Variants in MED1 observed in about 807,000 individuals in gnomAD.
MED1 encodes the protein mediator of RNA polymerase II transcription subunit 1.
MED1 carries 17 observed loss-of-function variants against 121.3 expected under a neutral mutation model. The observed-to-expected ratio is 0.14, with a 90% CI of 0.10 to 0.21. The LOEUF (loss-of-function observed/expected upper bound fraction) is 0.21, where lower values mean the gene tolerates loss of function less well. Among genes scored for constraint, MED1 ranks in the 10% least tolerant of loss-of-function variants. The pLI is 1.00. For missense variants in MED1, 1,558 were observed against 1,919.4 expected, an observed-to-expected ratio of 0.81 and a Z score of 3.52; for synonymous variants, 661 against 694.4, an observed-to-expected ratio of 0.95 and a Z score of 0.76.
Position 39,423,730 on chromosome 17 carries a change from T to C in MED1, c.943A>G (p.Arg315Gly), listed in dbSNP as rs754877539. ...LKFPQPIPVS[R>G]AFVQKLQNCT... ...TTCTGCAGTTTCTGAACAAATGCTCTAGATACTGGGATTGGCTGGGGAAAT... is the reference window on the plus strand; with the variant it reads ...TTCTGCAGTTTCTGAACAAATGCTCCAGATACTGGGATTGGCTGGGGAAAT... The change falls in exon 12 of 17, where the codon AGA (arginine) becomes GGA (glycine). Residue 315 changes from arginine (R) to glycine (G), a missense_variant. By Grantham distance (125) the Arg-to-Gly change is moderately radical. Around this residue, in one of 5 missense-constraint regions of MED1, gnomAD observed 443 missense variants for 532.4 expected, o/e 0.83. Transcript: ENST00000300651. 2 of 1,614,004 alleles carry C rather than the reference T, an allele frequency of 1.2e-6. No individual in the cohort carries two copies. Among genetic ancestry groups the C allele is most frequent in the South Asian group, 1.1e-5 (1 of 91,078 alleles).
At chr17:39,413,829 T>C (rs1480596253) in intron 16 of MED1, among the ~76,000 whole-genome samples, 4 of 151,200 alleles carry the variant, frequency 2.6e-5, no homozygotes, top group Non-Finnish European at 5.9e-5. Context: ...TATTTTATTA[T>C]GGCTTTCTCC....
rs117134607 is a variant in MED1, at chr17:39,406,174, A to G, written c.*1301T>C. 2.8e-4 allele frequency: 276 copies of G among 985,546 alleles called. 1 individual carries two copies. In the East Asian group the frequency reaches 0.021, roughly 73 times the overall value. The allele number at this position is 985,546 out of a possible 1,614,324, so 61.1% of individuals were successfully genotyped here. On this transcript the variant is annotated 3_prime_UTR_variant, in exon 17 of 17. Coordinates refer to ENST00000300651, the MANE Select transcript of MED1 (RefSeq NM_004774.4). ...AGACCTATTTCTCCAAAAAGGTCCA[A>G]TTGGGTTGCTACATAGTAGCAAGGG...
Position 39,419,867 on chromosome 17 carries a change from G to C in MED1, c.1147C>G (p.Pro383Ala). The change falls in exon 14 of 17, where the codon CCA (proline) becomes GCA (alanine). Residue 383 changes from proline to alanine, a missense_variant. Around this residue, in one of 5 missense-constraint regions of MED1, gnomAD observed 443 missense variants for 532.4 expected, o/e 0.83. Coordinates refer to ENST00000300651, the MANE Select transcript of MED1 (RefSeq NM_004774.4). The part of the protein sequence containing the change: ...CYFLNKDAPL[P>A]DGRSLQGTLV... ...GTTCCCTGTAGACTTCGGCCATCTG[G>C]AAGAGGAGCATCCTTGTTGAGGAAA... 6.2e-7 allele frequency: 1 copy of C among 1,614,126 alleles called. No individual in the cohort carries two copies. Among genetic ancestry groups the C allele is most frequent in the South Asian group, 1.1e-5 (1 of 91,084 alleles).
rs1246306820 is a variant in MED1 at position 39,408,684 on chromosome 17, T to A, written c.3537A>T (p.Ser1179=). 5 of 1,614,218 alleles carry A rather than the reference T, an allele frequency of 3.1e-6. No homozygotes were observed. Among genetic ancestry groups the A allele is most frequent in the East Asian group, 2.2e-5 (1 of 44,882 alleles). ...STKMKPQGKP[S]SLMNPSLSKP... ...TACTTAAAGAAGGATTCATAAGTGA[T>A]GATGGCTTTCCTTGAGGTTTCATCT... The change falls in exon 17 of 17, where the codon TCA becomes TCT. Residue 1179 remains serine, a synonymous_variant. Coordinates refer to ENST00000300651, the MANE Select transcript of MED1 (RefSeq NM_004774.4). This position sits in a 1 kb window ranked among gnomAD's most constrained non-coding sequence, Gnocchi z 4.7.
At chr17:39,434,961 C>T (rs755205364) in intron 6 of MED1, among the ~76,000 whole-genome samples, 6 of 151,946 alleles carry the variant, frequency 3.9e-5, no homozygotes, top group Non-Finnish European at 7.4e-5. Context: ...GTTAGGAGAT[C>T]GAGACCATCC....
Position 39,423,707 on chromosome 17 carries a change from C to T in MED1, c.966G>A (p.Gln322=). The T allele has an allele frequency of 6.2e-7, 1 of 1,613,874 alleles. No individual in the cohort carries two copies. Among genetic ancestry groups the T allele is most frequent in the Non-Finnish European group, 8.5e-7 (1 of 1,179,982 alleles). ...ATGCTCAAAACTCACCTGTGCAGTT[C>T]TGCAGTTTCTGAACAAATGCTCTAG... ...PVSRAFVQKL[Q]NCTGIPLFET... The change falls in exon 12 of 17, where the codon CAG becomes CAA. Residue 322 remains glutamine (Q), a synonymous_variant. Transcript: ENST00000300651.
In MED1 at chr17:39,432,061, T is replaced by A. The variant is rs762520610; in HGVS notation, c.501-45A>T. ...AACATGAGTTAATAGTTGAAAAATA[T>A]GACCAAGCGGGGTGGCTCAGCCTGT... On this transcript the variant is annotated intron_variant, in intron 7 of 16. Coordinates refer to ENST00000300651, the MANE Select transcript of MED1 (RefSeq NM_004774.4). 1.6e-5 allele frequency: 23 copies of A among 1,447,718 alleles called. No individual in the cohort carries two copies. In the East Asian group the frequency reaches 5.3e-4, roughly 33 times the overall value. The allele number at this position is 1,447,718 out of a possible 1,614,324, so 89.7% of individuals were successfully genotyped here.
rs7226222 is a variant in MED1, at chr17:39,427,619, C to G, written c.739+82G>C. 12,403 of 992,128 alleles carry G rather than the reference C, an allele frequency of 0.013. 1,029 individuals are homozygous for G. In the African/African-American group the frequency reaches 0.18, roughly 14 times the overall value. 61.5% of individuals were successfully genotyped at this position (992,128 alleles called of 1,614,324 possible). ...GTGCAAATGGTAAGGTCAACAAACT[C>G]ATTAGAGAATAGCAAACCAGAAATT... On this transcript the variant is annotated intron_variant, in intron 10 of 16. Coordinates refer to ENST00000300651, the MANE Select transcript of MED1 (RefSeq NM_004774.4).
chr17:39,432,718 C>A (rs2048577241), intron 7 of MED1, among the ~76,000 whole-genome samples: 1 of 149,552 alleles, frequency 6.7e-6, no homozygotes, highest in Admixed American at 6.7e-5. Flanking sequence ...CATGCCATTG[C>A]ATTCCAGCCT....
rs902441457 is a variant in MED1, at chr17:39,440,799, T to A, written c.212-122A>T. On this transcript the variant is annotated intron_variant, in intron 3 of 16. Coordinates refer to ENST00000300651, the MANE Select transcript of MED1 (RefSeq NM_004774.4). This position sits in a 1 kb window ranked among gnomAD's most constrained non-coding sequence, Gnocchi z 4.1. ...ACATATTCAGTAGTTCAAATGCTTG[T>A]AATTTACATAAAGTTCACTGATTAG... is the stretch of plus-strand genomic sequence containing the variant. The A allele has an allele frequency of 1.3e-5, 12 of 929,848 alleles. No homozygotes were observed. The highest frequency in any genetic ancestry group is 2.0e-5 in the Non-Finnish European group (12 of 601,058). The allele number at this position is 929,848 out of a possible 1,614,324, so 57.6% of individuals were successfully genotyped here.
At position 39,424,902 on chromosome 17, in the gene MED1, CAG is replaced by C. The variant is rs373952552; in HGVS notation, c.740-166_740-165del. On this transcript the variant is annotated intron_variant, in intron 10 of 16. Coordinates refer to ENST00000300651, the MANE Select transcript of MED1 (RefSeq NM_004774.4). ...ATGTATTTATTTATTTATTTTGAGA[CAG>C]AGTCTTGCTCTGTCACCCAGGCTGG... Among the ~76,000 whole-genome samples the C allele has an allele frequency of 7.1e-3, 1,073 of 152,120 alleles. 14 individuals carry two copies. Among genetic ancestry groups the C allele is most frequent in the African/African-American group, 0.025 (1,032 of 41,512 alleles).
chr17:39,444,475 C>A (rs1422949549), intron 2 of MED1, among the ~76,000 whole-genome samples: 1 of 151,064 alleles, frequency 6.6e-6, no homozygotes, highest in Non-Finnish European at 1.5e-5. Context: ...CCACTGCACT[C>A]CAGCCTGGCG....
intron 2 of MED1, among the ~76,000 whole-genome samples, chr17:39,444,154 G>T (rs1237943453): frequency 1.3e-5 from 2 of 152,106 alleles, no homozygotes; most frequent in Non-Finnish European, 2.9e-5. Flanking sequence ...TTAACAAGGT[G>T]ATTTGCATGT....
rs750180751 is a variant in MED1 at position 39,407,936 on chromosome 17, TAGA to T, written c.4282_4284del (p.Ser1428del). On this transcript the variant is annotated inframe_deletion, in exon 17 of 17. Coordinates refer to ENST00000300651, the MANE Select transcript of MED1 (RefSeq NM_004774.4). ...CTGATGAGTGGAGAGCCATAGTTTT[TAGA>T]AGAAGCCATTTGAGGCCTAAGCCCT... 14 of 1,614,144 alleles carry T rather than the reference TAGA, an allele frequency of 8.7e-6. No homozygotes were observed. The East Asian group carries it at 2.9e-4, about 33-fold the overall frequency.
At chr17:39,448,660 A>T (rs1429669231) in intron 1 of MED1, among the ~76,000 whole-genome samples, 1 of 152,188 alleles carries the variant, frequency 6.6e-6, no homozygotes, top group African/African-American at 2.4e-5. Context: ...CTGTAATCCC[A>T]GCACTTTGGG....
chr17:39,409,965 G>A lies in MED1; in HGVS notation c.2256C>T (p.Tyr752=). The change falls in exon 17 of 17, where the codon TAC becomes TAT. Residue 752 remains tyrosine (Y), a synonymous_variant. Transcript: ENST00000300651. ...GTTGGGGGTGAGGTACTGGTTGTGGGTAAGTTGTTGGGGGAGTGCTACACT... is the reference window on the plus strand; with the variant it reads ...GTTGGGGGTGAGGTACTGGTTGTGGATAAGTTGTTGGGGGAGTGCTACACT... ...PSQCSTPPTT[Y]PQPVPHPQPS... is the part of the protein sequence containing the mutation. 1 of 1,614,144 alleles carries A rather than the reference G, an allele frequency of 6.2e-7. No homozygotes were observed. The highest frequency in any genetic ancestry group is 8.5e-7 in the Non-Finnish European group (1 of 1,180,026).
chr17:39,450,641 T>A (rs1350796944), intron 1 of MED1, among the ~76,000 whole-genome samples: 1 of 152,208 alleles, frequency 6.6e-6, no homozygotes, highest in East Asian at 1.9e-4. Flanking sequence ...TGTAGAGAAC[T>A]GCTGGCTGCT....
In MED1 at chr17:39,409,802, G is replaced by T. The variant is rs929155500; in HGVS notation, c.2419C>A (p.Leu807Ile). 1 of 1,614,182 alleles carries T rather than the reference G, an allele frequency of 6.2e-7. No homozygotes were observed. The highest frequency in any genetic ancestry group is 8.5e-7 in the Non-Finnish European group (1 of 1,180,034). Reference protein sequence around the residue: ...SDDCPAIGTPLRDSSSSGHSQ... With the variant: ...SDDCPAIGTPIRDSSSSGHSQ... ...TGCCCAGAGCTTGAAGAATCTCGAA[G>T]AGGGGTGCCAATGGCTGGGCAATCA... Residue 807 changes from leucine (L) to isoleucine (I), a missense_variant, in exon 17 of 17, where the codon CTT becomes ATT. Physicochemically the swap from Leu to Ile is conservative, Grantham distance 5. Coordinates refer to ENST00000300651, the MANE Select transcript of MED1 (RefSeq NM_004774.4).
intron 2 of MED1, among the ~76,000 whole-genome samples, chr17:39,444,372 T>C (rs1025285520): frequency 6.6e-6 from 1 of 151,642 alleles, no homozygotes; most frequent in African/African-American, 2.4e-5. Flanking sequence ...CTGGGCGTGG[T>C]GGTGCACGCC....
Sources: gnomAD v4.1 joint callset for allele counts (sites outside exome capture counted in the v4.1 genomes callset) on GRCh38, gnomAD v4.1.1 for gene constraint, gnomAD v4.1.1 regional missense constraint, Gnocchi (gnomAD v3.1) non-coding constraint, MANE v1.5 for transcripts, NCBI Gene and HGNC (gene_info 2026-07-23, HGNC 2026-07-21) for gene names.